PCDHGB2: variants seen among roughly 807,000 people sequenced by gnomAD.
The protein encoded by PCDHGB2 is protocadherin gamma subfamily B, 2, also known as protocadherin gamma-B2.
A neutral mutation model predicts 59.3 loss-of-function variants in PCDHGB2; 55 were observed. The ratio of observed to expected loss-of-function variants is 0.93; its 90% CI spans 0.75 to 1.16. The LOEUF is 1.16. Among genes scored for constraint, PCDHGB2 ranks in the 50% most tolerant of loss-of-function variants. The probability of loss-of-function intolerance (pLI) is 0.00; values close to 1 mark genes in which losing one functional copy is unlikely to be tolerated. For synonymous variants in PCDHGB2, 516 were observed against 512.0 expected (o/e 1.01, Z -0.11); for missense variants, 1,228 against 1,198.5 (o/e 1.02, Z -0.36).
chr5:141,461,138 C>T (rs1416058747), intron 1 of PCDHGB2, among the ~76,000 whole-genome samples: 1 of 151,942 alleles, frequency 6.6e-6, no homozygotes, highest in East Asian at 1.9e-4. Flanking sequence ...ACTTATTTTC[C>T]TTTGGGTAGA....
intron 1 of PCDHGB2, chr5:141,421,778 G>C (rs756566609): frequency 6.2e-7 from 1 of 1,613,844 alleles, no homozygotes; most frequent in Non-Finnish European, 8.5e-7. Context: ...TTGCAACTGC[G>C]GGGCAGAACG....
rs1298454674 is a variant in PCDHGB2, at chr5:141,438,625, TATATATATATAC to T, written c.2422-56180_2422-56169del. 7.7e-3 allele frequency among the ~76,000 whole-genome samples: 357 copies of T among 46,390 alleles called. 5 individuals are homozygous for T. The East Asian group carries it at 0.082, about 11-fold the overall frequency. 30.4% of individuals were successfully genotyped at this position (46,390 alleles called of 152,430 possible). A position where few individuals can be genotyped will look rare whatever the true frequency, so the allele number is the denominator to read the frequency against. On this transcript the variant is annotated intron_variant, in intron 1 of 3. Transcript: ENST00000522605. ...ATATATATATATATATATATATATATATATATATATACACACACACACACACATATATGTATA... is the reference window on the plus strand; with the variant it reads ...ATATATATATATATATATATATATATACACACACACACACATATATGTATA...
At chr5:141,372,411 C>G (rs1768748655) in intron 1 of PCDHGB2, 1 of 1,614,080 alleles carries the variant, frequency 6.2e-7, no homozygotes, top group East Asian at 2.2e-5. Context: ...AGAGATACAA[C>G]CTGACCTTAG....
chr5:141,392,416 T>C (rs576614359), intron 1 of PCDHGB2: 1 of 157,618 alleles, frequency 6.3e-6, no homozygotes, highest in African/African-American at 2.4e-5. Flanking sequence ...AAAACCTTCA[T>C]CTCACATTCT....
chr5:141,445,825 G>A (rs1031190864), intron 1 of PCDHGB2, among the ~76,000 whole-genome samples: 8 of 152,124 alleles, frequency 5.3e-5, no homozygotes, highest in Non-Finnish European at 1.2e-4. Context: ...AATAAGGCAG[G>A]GAGAGCCTTG....
At chr5:141,421,159 C>G (rs2096549842) in intron 1 of PCDHGB2, 3 of 1,236,898 alleles carry the variant, frequency 2.4e-6, no homozygotes. Flanking sequence ...CCTAGGACTT[C>G]ATAGATACAT....
At chr5:141,444,473 G>C (rs943971075) in intron 1 of PCDHGB2, among the ~76,000 whole-genome samples, 6 of 151,972 alleles carry the variant, frequency 3.9e-5, no homozygotes, top group South Asian at 2.1e-4. Flanking sequence ...GCCCGGTCGC[G>C]TACTGGATTT....
In PCDHGB2 at chr5:141,433,358, C is replaced by CCTATCTATCTATCTAT. The variant is rs3074541; in HGVS notation, c.2422-61416_2422-61401dup. ...ACAGGTGCAAGCCACCTACTGTCTG[C>CCTATCTATCTATCTAT]CTATCTATCTATCTATCTATCTATC... On this transcript the variant is annotated intron_variant, in intron 1 of 3. Coordinates refer to ENST00000522605, the MANE Select transcript of PCDHGB2 (RefSeq NM_018923.3). 1.1e-3 allele frequency: 566 copies of CCTATCTATCTATCTAT among 504,038 alleles called. 2 individuals carry two copies. The highest frequency in any genetic ancestry group is 1.7e-3 in the East Asian group (49 of 28,778). The allele number at this position is 504,038 out of a possible 1,614,324, so 31.2% of individuals were successfully genotyped here.
intron 1 of PCDHGB2, chr5:141,422,581 G>C: frequency 6.2e-7 from 1 of 1,613,984 alleles, no homozygotes; most frequent in Non-Finnish European, 8.5e-7. Context: ...TAACCCTCCC[G>C]TTTTTCCTCA....
In PCDHGB2 at chr5:141,512,088, A is replaced by G. The variant is rs192947391; in HGVS notation, c.*915A>G. 2.6e-5 allele frequency: 4 copies of G among 152,772 alleles called. No individual in the cohort carries two copies. Among genetic ancestry groups the G allele is most frequent in the Admixed American group, 6.5e-5 (1 of 15,306 alleles). 9.5% of individuals were successfully genotyped at this position (152,772 alleles called of 1,614,324 possible). On this transcript the variant is annotated 3_prime_UTR_variant, in exon 4 of 4. Transcript: ENST00000522605. ...TCCTCCAGATTCCAGCCATAAACCAATAACTAGGCTGGACCCTTCCCACTA... is the reference window on the plus strand; with the variant it reads ...TCCTCCAGATTCCAGCCATAAACCAGTAACTAGGCTGGACCCTTCCCACTA...
chr5:141,404,564 G>A, intron 1 of PCDHGB2: 1 of 1,613,890 alleles, frequency 6.2e-7, no homozygotes. Flanking sequence ...AAGTGACAGT[G>A]GAAGCCCACC....
chr5:141,390,867 C>CGTGT (rs61319619), intron 1 of PCDHGB2: 7,865 of 151,126 alleles, frequency 0.052, 273 homozygotes, highest in African/African-American at 0.097. Context: ...GCTGTGTGTG[C>CGTGT]GTGTGTGTGT....
chr5:141,366,146 T>C, intron 1 of PCDHGB2: 1 of 1,614,182 alleles, frequency 6.2e-7, no homozygotes, highest in South Asian at 1.1e-5. Flanking sequence ...CTGGCTGTCC[T>C]ACCGCCTGCT....
intron 1 of PCDHGB2, among the ~76,000 whole-genome samples, chr5:141,381,472 A>G (rs1777217104): frequency 6.6e-6 from 1 of 152,246 alleles, no homozygotes; most frequent in Non-Finnish European, 1.5e-5. Context: ...AATGCTGTCT[A>G]GAGATCCCTG....
In PCDHGB2 at chr5:141,360,424, G is replaced by A. The variant is rs1561520496; in HGVS notation, c.289G>A (p.Gly97Arg). 3.7e-6 allele frequency: 6 copies of A among 1,613,958 alleles called. No individual in the cohort carries two copies. Among genetic ancestry groups the A allele is most frequent in the Non-Finnish European group, 3.4e-6 (4 of 1,179,886 alleles). ...SDRIDREQIC[G>R]KQPLCVLDFD... ...CAGAATAGACCGAGAACAGATATGC[G>A]GGAAGCAGCCTCTGTGTGTTCTGGA... is the stretch of plus-strand genomic sequence containing the variant. The change falls in exon 1 of 4, where the codon GGG (glycine) becomes AGG (arginine). Residue 97 changes from glycine to arginine, a missense_variant. Transcript: ENST00000522605.
chr5:141,461,255 G>A (rs1466460215), intron 1 of PCDHGB2, among the ~76,000 whole-genome samples: 1 of 152,098 alleles, frequency 6.6e-6, no homozygotes. Flanking sequence ...ATTCCCAGCA[G>A]CAATGTGTAA....
intron 1 of PCDHGB2, chr5:141,371,014 A>G (rs765278378): frequency 8.7e-6 from 14 of 1,613,890 alleles, no homozygotes; most frequent in South Asian, 1.1e-5. Flanking sequence ...GAGCAGCCAC[A>G]TCACCACCTG....
intron 1 of PCDHGB2, among the ~76,000 whole-genome samples, chr5:141,429,720 A>G (rs571388976): frequency 6.6e-6 from 1 of 152,340 alleles, no homozygotes; most frequent in South Asian, 2.1e-4. Context: ...TACGCTCATG[A>G]AAGTACGTAG....
chr5:141,394,171 C>T (rs115102808), intron 1 of PCDHGB2: 17,700 of 1,613,924 alleles, frequency 0.011, 141 homozygotes, highest in Non-Finnish European at 0.013. Flanking sequence ...CCTACTTTCC[C>T]TCATGCCTCC....
Sources: allele counts gnomAD v4.1 joint callset (sites outside exome capture counted in the v4.1 genomes callset), GRCh38; gene constraint gnomAD v4.1.1; transcripts MANE v1.5; gene names NCBI Gene and HGNC (gene_info 2026-07-23, HGNC 2026-07-21).